Variants in SH3D19 observed in about 807,000 individuals in gnomAD.
SH3D19 encodes the protein SH3 domain-containing protein 19.
A neutral mutation model predicts 112.1 loss-of-function variants in SH3D19; 58 were observed. The observed-to-expected ratio is 0.52, with a 90% CI of 0.42 to 0.64. SH3D19 has a LOEUF of 0.64. SH3D19 is among the 30% of genes least tolerant of loss of function. The pLI is 0.00. For synonymous variants in SH3D19, 391 were observed against 448.5 expected (o/e 0.87, Z 1.62); for missense variants, 1,090 against 1,263.4 (o/e 0.86, Z 2.08).
At chr4:151,318,662 G>A (rs1456927349) in intron 1 of SH3D19, among the ~76,000 whole-genome samples, 1 of 152,112 alleles carries the variant, frequency 6.6e-6, no homozygotes, top group Non-Finnish European at 1.5e-5. Flanking sequence ...TTTACTATGG[G>A]CTTGGCCATG....
chr4:151,133,386 G>A, intron 15 of SH3D19, 150 bp from the exon 16 acceptor site: 1 of 702,100 alleles, frequency 1.4e-6, no homozygotes, highest in Non-Finnish European at 2.4e-6. Flanking sequence ...ATGAAAAAGA[G>A]TAAGTTACAC....
At chr4:151,226,374 C>T (rs777406622) in intron 1 of SH3D19, 594 of 1,073,088 alleles carry the variant, frequency 5.5e-4, no homozygotes, top group Non-Finnish European at 6.6e-4. Context: ...AAATACTTTG[C>T]TAACACTAGA....
At chr4:151,281,667 TGTTATTTA>T (rs1343460334) in intron 1 of SH3D19, among the ~76,000 whole-genome samples, 10 of 126,140 alleles carry the variant, frequency 7.9e-5, no homozygotes, top group African/African-American at 2.6e-4. Context: ...GCAGAGAACT[TGTTATTTA>T]TTTATTTATT....
intron 9 of SH3D19, among the ~76,000 whole-genome samples, chr4:151,158,351 G>A (rs1028280456): frequency 6.6e-6 from 1 of 152,046 alleles, no homozygotes; most frequent in Non-Finnish European, 1.5e-5. Context: ...CCAGGCTGGA[G>A]TGCAGTGGCG....
chr4:151,133,287 G>A (rs770350796), intron 15 of SH3D19, 51 bp from the exon 16 acceptor site: 2 of 1,479,220 alleles, frequency 1.4e-6, no homozygotes, highest in Non-Finnish European at 1.9e-6. Context: ...CTTTTAAAAT[G>A]CTTAAAAACC....
intron 2 of SH3D19, among the ~76,000 whole-genome samples, chr4:151,214,757 A>G (rs78843645): frequency 0.017 from 228 of 13,184 alleles, 33 homozygotes; most frequent in East Asian, 0.035. Context: ...CTGGCCGGGC[A>G]GGGGGCTGAC....
At chr4:151,306,273 T>C (rs1188596638) in intron 1 of SH3D19, among the ~76,000 whole-genome samples, 1 of 152,198 alleles carries the variant, frequency 6.6e-6, no homozygotes, top group African/African-American at 2.4e-5. Flanking sequence ...CCAATTTTAC[T>C]GTATGTACAT....
intron 2 of SH3D19, among the ~76,000 whole-genome samples, chr4:151,196,188 A>G (rs577285088): frequency 6.6e-6 from 1 of 152,322 alleles, no homozygotes; most frequent in African/African-American, 2.4e-5. Flanking sequence ...CAGGCCCATC[A>G]AGGTCCATAT....
chr4:151,168,424 G>T (rs1377397116), intron 7 of SH3D19, among the ~76,000 whole-genome samples: 2 of 147,294 alleles, frequency 1.4e-5, no homozygotes, highest in African/African-American at 2.5e-5. Flanking sequence ...TTGAGACACG[G>T]TCTCACTCTC....
At chr4:151,282,199 T>A in intron 1 of SH3D19, 1 of 1,613,946 alleles carries the variant, frequency 6.2e-7, no homozygotes, top group Non-Finnish European at 8.5e-7. Context: ...TTACAGTAGG[T>A]GACTCAAGGA....
intron 11 of SH3D19, among the ~76,000 whole-genome samples, chr4:151,147,575 C>T (rs749271787): frequency 6.6e-5 from 10 of 152,212 alleles, no homozygotes; most frequent in Admixed American, 6.5e-4. Flanking sequence ...AATTCTCATG[C>T]CTCAGCCTCC....
chr4:151,299,282 T>G (rs1270949504), intron 1 of SH3D19, among the ~76,000 whole-genome samples: 2 of 152,180 alleles, frequency 1.3e-5, no homozygotes, highest in Non-Finnish European at 2.9e-5. Flanking sequence ...ATTGTGGCCT[T>G]AAAAAATTAA....
chr4:151,161,242 G>A (rs1757092636), intron 8 of SH3D19, among the ~76,000 whole-genome samples: 1 of 152,110 alleles, frequency 6.6e-6, no homozygotes, highest in African/African-American at 2.4e-5. Context: ...GGACAACCTG[G>A]TCAGAAGAAA....
intron 3 of SH3D19, among the ~76,000 whole-genome samples, chr4:151,185,816 C>T (rs551858277): frequency 3.0e-4 from 46 of 152,228 alleles, no homozygotes; most frequent in Middle Eastern, 3.4e-3. Context: ...GAGACCAAGG[C>T]GGGCAAATCA....
intron 1 of SH3D19, among the ~76,000 whole-genome samples, chr4:151,237,112 G>T (rs748967051): frequency 6.6e-6 from 1 of 152,034 alleles, no homozygotes; most frequent in African/African-American, 2.4e-5. Context: ...CATGCACCGC[G>T]AAAGTCTGCA....
intron 1 of SH3D19, among the ~76,000 whole-genome samples, chr4:151,278,825 G>A (rs1561424530): frequency 6.6e-6 from 1 of 152,162 alleles, no homozygotes; most frequent in Non-Finnish European, 1.5e-5. Flanking sequence ...TAGAGACGGT[G>A]TTTGGCCATG....
At chr4:151,141,362 G>T (rs1222150198) in intron 12 of SH3D19, among the ~76,000 whole-genome samples, 4 of 152,156 alleles carry the variant, frequency 2.6e-5, no homozygotes, top group Non-Finnish European at 5.9e-5. Flanking sequence ...CTGGGCTCAG[G>T]TGATCCACCC....
intron 1 of SH3D19, among the ~76,000 whole-genome samples, chr4:151,249,658 C>T (rs1307712875): frequency 2.0e-5 from 3 of 151,464 alleles, no homozygotes; most frequent in African/African-American, 4.8e-5. Context: ...TTGTAAACTT[C>T]GTGTAAAAAA....
At position 151,221,656 on chromosome 4, in the gene SH3D19, A is replaced by G. The variant is rs574495604; in HGVS notation, c.152+4391T>C. On this transcript the variant is annotated intron_variant, in intron 2 of 19. Coordinates refer to ENST00000604030, the MANE Select transcript of SH3D19 (RefSeq NM_001378122.1). The stretch of plus-strand genomic sequence containing the variant: ...CTCAAAATACCTTTGGCATTTATTT[A>G]TTCAACAATTATTTATTGTTTATTG... Among the ~76,000 whole-genome samples, 27 of 152,352 alleles carry G rather than the reference A, an allele frequency of 1.8e-4. No homozygotes were observed. The South Asian group carries it at 2.5e-3, about 14-fold the overall frequency.
Sources: allele counts gnomAD v4.1 joint callset (sites outside exome capture counted in the v4.1 genomes callset), GRCh38; gene constraint gnomAD v4.1.1; transcripts MANE v1.5; gene names NCBI Gene and HGNC (gene_info 2026-07-23, HGNC 2026-07-21).